TMEM217: variants seen among roughly 807,000 people sequenced by gnomAD.
TMEM217 encodes transmembrane protein 217, also known as chromosome 6 open reading frame 128.
For synonymous variants in TMEM217, 76 were observed against 88.3 expected, an observed-to-expected ratio of 0.86 and a Z score of 0.78; for missense variants, 204 against 248.8, an observed-to-expected ratio of 0.82 and a Z score of 1.21.
intron 1 of TMEM217, among the ~76,000 whole-genome samples, chr6:37,227,379 C>A (rs1763896485): frequency 6.6e-6 from 1 of 152,188 alleles, no homozygotes; most frequent in Non-Finnish European, 1.5e-5. Context: ...CCTTCCCATT[C>A]TTTTTCCCAT....
exon 2 of TMEM217, chr6:37,218,628 G>A (rs1375184758): frequency 1.9e-6 from 3 of 1,614,152 alleles, no homozygotes; most frequent in African/African-American, 1.3e-5. Flanking sequence ...ATGACTGTAC[G>A]AGACACCAAG....
chr6:37,253,185 A>G (rs1252345966), intron 1 of TMEM217, among the ~76,000 whole-genome samples: 2 of 152,200 alleles, frequency 1.3e-5, no homozygotes, highest in African/African-American at 4.8e-5. Flanking sequence ...TGCCCTCTTT[A>G]ATGGTATAAC....
At chr6:37,252,631 A>ATTTTT (rs1285210773) in intron 1 of TMEM217, among the ~76,000 whole-genome samples, 3 of 77,324 alleles carry the variant, frequency 3.9e-5, no homozygotes, top group African/African-American at 1.8e-4. Flanking sequence ...ATATATATAT[A>ATTTTT]TATATATTTT....
rs919523532 is a variant in TMEM217, at chr6:37,226,073, A to G, written c.-11-7032T>C. Among the ~76,000 whole-genome samples, 3 of 152,116 alleles carry G rather than the reference A, an allele frequency of 2.0e-5. No individual in the cohort carries two copies. In the South Asian group the frequency reaches 6.2e-4, roughly 32 times the overall value. ...CTAAACTTCTTTATTGACGAAGTGT[A>G]ATGAGAACTAGTGATCTACTGGGAT... On this transcript the variant is annotated intron_variant, in intron 1 of 1. Coordinates refer to ENST00000357219, the Ensembl canonical transcript of TMEM217.
chr6:37,222,940 AC>A (rs202002555), intron 1 of TMEM217, among the ~76,000 whole-genome samples: 4,683 of 152,310 alleles, frequency 0.031, 183 homozygotes, highest in Middle Eastern at 0.092. Flanking sequence ...TTGAAAAAGA[AC>A]CCAAATAGAA....
chr6:37,232,658 AT>A (rs1396633270), intron 1 of TMEM217, among the ~76,000 whole-genome samples: 1 of 152,104 alleles, frequency 6.6e-6, no homozygotes, highest in Non-Finnish European at 1.5e-5. Context: ...CACAAACCCC[AT>A]TTCCACATAT....
chr6:37,251,268 T>G (rs1276533754), intron 1 of TMEM217, among the ~76,000 whole-genome samples: 1 of 150,714 alleles, frequency 6.6e-6, no homozygotes, highest in Non-Finnish European at 1.5e-5. Flanking sequence ...CATATGGGAA[T>G]GAACACCCAC....
chr6:37,243,920 GC>G (rs1363587120), intron 1 of TMEM217, among the ~76,000 whole-genome samples: 3 of 152,160 alleles, frequency 2.0e-5, no homozygotes, highest in Admixed American at 6.5e-5. Context: ...GGAGCCAGGA[GC>G]CCACATGGAG....
chr6:37,243,211 G>T (rs1385586381), intron 1 of TMEM217, among the ~76,000 whole-genome samples: 1 of 152,102 alleles, frequency 6.6e-6, no homozygotes, highest in African/African-American at 2.4e-5. Context: ...ATTTGGCAAG[G>T]GCTATTACTC....
intron 1 of TMEM217, among the ~76,000 whole-genome samples, chr6:37,251,250 A>G (rs1307963086): frequency 1.3e-5 from 2 of 151,992 alleles, no homozygotes; most frequent in Non-Finnish European, 2.9e-5. Context: ...TGAGGGAGGC[A>G]CATCTCACAT....
intron 1 of TMEM217, among the ~76,000 whole-genome samples, chr6:37,247,637 C>T (rs560609668): frequency 1.3e-3 from 205 of 152,196 alleles, no homozygotes; most frequent in African/African-American, 4.5e-3. Flanking sequence ...TCACCCACTT[C>T]GGCCTCCCAA....
chr6:37,257,856 C>T, exon 1 of TMEM217: 1 of 1,577,102 alleles, frequency 6.3e-7, no homozygotes, highest in Non-Finnish European at 8.6e-7. Context: ...ATTGCGGGGT[C>T]TGGGGGCATC....
chr6:37,256,848 CG>C (rs1383069522), intron 1 of TMEM217, among the ~76,000 whole-genome samples: 2 of 152,086 alleles, frequency 1.3e-5, no homozygotes, highest in Non-Finnish European at 2.9e-5. Flanking sequence ...CAAATCACCA[CG>C]GAATACAACC....
At position 37,224,832 on chromosome 6, in the gene TMEM217, T is replaced by G. The variant is rs200829548; in HGVS notation, c.-11-5791A>C. On this transcript the variant is annotated intron_variant, in intron 1 of 1. Transcript: ENST00000357219. ...CATAAAAATCAAAACCAAGCAAAAT[T>G]TAAGAATATATTTTTTGGCCATACA... Among the ~76,000 whole-genome samples the G allele has an allele frequency of 3.9e-5, 6 of 151,934 alleles. No individual in the cohort carries two copies. In the East Asian group the frequency reaches 1.2e-3, roughly 29 times the overall value.
chr6:37,219,627 G>A (rs1763403576), intron 1 of TMEM217, among the ~76,000 whole-genome samples: 1 of 152,052 alleles, frequency 6.6e-6, no homozygotes, highest in Non-Finnish European at 1.5e-5. Context: ...AGCTACTTAG[G>A]AGGCTGAAGT....
At chr6:37,228,018 A>G (rs1441819637) in intron 1 of TMEM217, among the ~76,000 whole-genome samples, 2 of 152,208 alleles carry the variant, frequency 1.3e-5, no homozygotes, top group African/African-American at 4.8e-5. Context: ...CAAGTGAGAT[A>G]AAGAGACTTC....
intron 1 of TMEM217, among the ~76,000 whole-genome samples, chr6:37,252,659 T>G (rs1282628599): frequency 5.0e-5 from 5 of 99,058 alleles, no homozygotes; most frequent in Admixed American, 1.1e-4. Context: ...TTTTTTTTTT[T>G]GACAGGGTCT....
intron 1 of TMEM217, among the ~76,000 whole-genome samples, chr6:37,226,262 TTTG>T (rs1763820986): frequency 1.3e-5 from 2 of 151,060 alleles, no homozygotes; most frequent in Admixed American, 1.3e-4. Flanking sequence ...TTTGTTTTAT[TTTG>T]TTTTTTTGAG....
chr6:37,222,345 G>A (rs777995542), intron 1 of TMEM217, among the ~76,000 whole-genome samples: 2 of 152,178 alleles, frequency 1.3e-5, no homozygotes, highest in African/African-American at 2.4e-5. Context: ...ACCCCAACCC[G>A]GCTCCGAGAT....
Sources: allele counts gnomAD v4.1 joint callset (sites outside exome capture counted in the v4.1 genomes callset), GRCh38; gene constraint gnomAD v4.1.1; transcripts MANE v1.5; gene names NCBI Gene and HGNC (gene_info 2026-07-23, HGNC 2026-07-21).